Variants in LARS1 observed in about 807,000 individuals in gnomAD.
The protein encoded by LARS1 is leucine--tRNA ligase, cytoplasmic.
LARS1 carries 100 observed loss-of-function variants against 162.8 expected under a neutral mutation model. The ratio of observed to expected loss-of-function variants is 0.61; its 90% CI spans 0.52 to 0.73. LARS1 has a LOEUF of 0.73. Ranked by LOEUF, LARS1 falls within the 30% of genes least tolerant of loss-of-function variation. The pLI is 0.00. For synonymous variants in LARS1, 457 were observed against 462.8 expected, an observed-to-expected ratio of 0.99 and a Z score of 0.16; for missense variants, 1,258 against 1,408.9, an observed-to-expected ratio of 0.89 and a Z score of 1.71.
intron 19 of LARS1, 27 bp from the exon 20 acceptor site, chr5:146,143,111 T>TATATA (rs1752861759): frequency 2.5e-5 from 27 of 1,081,626 alleles, no homozygotes; most frequent in Admixed American, 1.2e-4. Context: ...ACAAACTATT[T>TATATA]TATATATATA....
At chr5:146,133,441 C>T (rs1752376330) in intron 22 of LARS1, among the ~76,000 whole-genome samples, 1 of 152,118 alleles carries the variant, frequency 6.6e-6, no homozygotes, top group Admixed American at 6.6e-5. Context: ...ATTTCAGCCT[C>T]ATTTAGAGGT....
At chr5:146,174,578 GTATATATCCATATATATA>G (rs1754459991) in intron 2 of LARS1, among the ~76,000 whole-genome samples, 1 of 36,590 alleles carries the variant, frequency 2.7e-5, no homozygotes, top group Non-Finnish European at 6.4e-5. Flanking sequence ...ATCCATATAT[GTATATATCCATATATATA>G]TATATATATA....
chr5:146,159,926 A>T (rs1338561676), intron 7 of LARS1, among the ~76,000 whole-genome samples: 2 of 152,132 alleles, frequency 1.3e-5, no homozygotes, highest in Non-Finnish European at 2.9e-5. Flanking sequence ...GGCAGGGAAT[A>T]CTGAACATAA....
chr5:146,143,199 G>A, intron 19 of LARS1, 115 bp from the exon 20 acceptor site: 2 of 800,304 alleles, frequency 2.5e-6, no homozygotes, highest in Non-Finnish European at 3.6e-6. Flanking sequence ...GTAGTTACAG[G>A]AACAAATAAG....
At chr5:146,123,796 CT>C (rs35690977) in intron 29 of LARS1, among the ~76,000 whole-genome samples, 185 bp downstream of exon 29, 33 of 151,754 alleles carry the variant, frequency 2.2e-4, no homozygotes, top group African/African-American at 2.7e-4. Context: ...TGACATATCA[CT>C]TTTTTTCCTG....
At chr5:146,140,910 C>T (rs1752750374) in intron 20 of LARS1, among the ~76,000 whole-genome samples, 1 of 152,172 alleles carries the variant, frequency 6.6e-6, no homozygotes, top group Non-Finnish European at 1.5e-5. Context: ...TATATACACA[C>T]ATATACATGT....
chr5:146,177,700 T>C (rs1010852870), intron 1 of LARS1, 35 bp from the exon 2 acceptor site: 2 of 1,104,370 alleles, frequency 1.8e-6, no homozygotes, highest in Non-Finnish European at 2.7e-6. Context: ...CACTCTGTAT[T>C]TCAGCACGCT....
chr5:146,118,456 G>C (rs577624868), intron 31 of LARS1, among the ~76,000 whole-genome samples: 1 of 152,274 alleles, frequency 6.6e-6, no homozygotes, highest in East Asian at 1.9e-4. Flanking sequence ...TTACACAGTA[G>C]ATGACTACAG....
At position 146,144,291 on chromosome 5, in the gene LARS1, C is replaced by A. The variant is rs1166619606; in HGVS notation, c.1714G>T (p.Ala572Ser). 1 of 1,612,608 alleles carries A rather than the reference C, an allele frequency of 6.2e-7. No individual in the cohort carries two copies. The highest frequency in any genetic ancestry group is 8.5e-7 in the Non-Finnish European group (1 of 1,179,674). ...CCTAGACCATAAGTTCTTGAGCAAGCATGTTCTTGTAGCCAACCTAAGGTG... is the reference window on the plus strand; with the variant it reads ...CCTAGACCATAAGTTCTTGAGCAAGAATGTTCTTGTAGCCAACCTAAGGTG... ...EATLGWLQEH[A>S]CSRTYGLGTH... Residue 572 changes from alanine (A) to serine (S), a missense_variant, in exon 18 of 32, where the codon GCT (alanine) becomes TCT (serine). Ala to Ser is a moderately conservative substitution (Grantham distance 99, BLOSUM62 1). Transcript: ENST00000394434.
chr5:146,161,313 G>A (rs1453934854), intron 6 of LARS1, among the ~76,000 whole-genome samples: 1 of 152,152 alleles, frequency 6.6e-6, no homozygotes, highest in Admixed American at 6.6e-5. Context: ...TGATGGCTAT[G>A]GCAATTTCTT....
At chr5:146,129,222 G>A in intron 25 of LARS1, 104 bp from the exon 26 acceptor site, 1 of 1,016,124 alleles carries the variant, frequency 9.8e-7, no homozygotes, top group Non-Finnish European at 1.4e-6. Context: ...ATCTGTAATT[G>A]TGTGCTCAGA....
intron 15 of LARS1, among the ~76,000 whole-genome samples, chr5:146,146,362 AAG>A (rs70998059): frequency 1.5e-4 from 22 of 142,850 alleles, no homozygotes; most frequent in African/African-American, 3.8e-4. Context: ...AAAGAAAGAG[AAG>A]AGAGAGAGAG....
At chr5:146,123,873 A>G (rs773034740) in intron 29 of LARS1, 109 bp downstream of exon 29, 2 of 532,632 alleles carry the variant, frequency 3.8e-6, no homozygotes, top group East Asian at 3.0e-5. Flanking sequence ...TTTAACAAAG[A>G]TACTAAACAC....
At chr5:146,144,096 A>G (rs1034897103) in intron 18 of LARS1, among the ~76,000 whole-genome samples, 171 bp downstream of exon 18, 2 of 152,242 alleles carry the variant, frequency 1.3e-5, no homozygotes, top group Admixed American at 6.5e-5. Context: ...TATTTCTACC[A>G]CACAGTAGAT....
intron 4 of LARS1, among the ~76,000 whole-genome samples, chr5:146,170,480 A>G (rs1754211961): frequency 1.3e-5 from 2 of 151,954 alleles, no homozygotes; most frequent in South Asian, 2.1e-4. Flanking sequence ...AAAAAAAAAA[A>G]AGGGGGGAAA....
Position 146,182,495 on chromosome 5 carries a change from G to C in LARS1, c.-2C>G. ...CTTCTCGCTCAAACTCACCGCCATT[G>C]CACCGCCCAGCCGACTGTGCAAATC... On this transcript the variant is annotated 5_prime_UTR_variant, in exon 1 of 32. Transcript: ENST00000394434. 6.2e-7 allele frequency: 1 copy of C among 1,613,856 alleles called. No individual in the cohort carries two copies.
At chr5:146,163,946 G>A (rs1045721258) in intron 6 of LARS1, among the ~76,000 whole-genome samples, 1 of 152,154 alleles carries the variant, frequency 6.6e-6, no homozygotes, top group African/African-American at 2.4e-5. Context: ...AGGAGAGAAA[G>A]AGGGAAACAA....
In LARS1 at chr5:146,143,076, T is replaced by G; in HGVS notation, c.1886A>C (p.Gln629Pro). The G allele has an allele frequency of 6.2e-7, 1 of 1,606,240 alleles. No individual in the cohort carries two copies. Among genetic ancestry groups the G allele is most frequent in the African/African-American group, 1.3e-5 (1 of 74,676 alleles). ...ATAATCCCAAACTTCCTTGGTCATC[T>G]GTTGCGGTCTGTATTAAAAATAAAA... ...AESPLGIRPQ[Q>P]MTKEVWDYVF... Residue 629 changes from glutamine to proline, a missense_variant, in exon 20 of 32, where the codon CAG (glutamine) becomes CCG (proline). Gln to Pro is a moderately conservative substitution (Grantham distance 76). Transcript: ENST00000394434.
chr5:146,120,221 A>G, intron 31 of LARS1, 150 bp downstream of exon 31: 1 of 849,688 alleles, frequency 1.2e-6, no homozygotes, highest in Non-Finnish European at 1.9e-6. Context: ...TCCCAAAAAG[A>G]ATAGTTTTCT....
Sources: gnomAD v4.1 joint callset for allele counts (sites outside exome capture counted in the v4.1 genomes callset) on GRCh38, gnomAD v4.1.1 for gene constraint, MANE v1.5 for transcripts, NCBI Gene and HGNC (gene_info 2026-07-23, HGNC 2026-07-21) for gene names.